ZMAT4: variants seen among roughly 807,000 people sequenced by gnomAD.
ZMAT4 encodes zinc finger matrin-type 4.
A neutral mutation model predicts 28.7 loss-of-function variants in ZMAT4; 17 were observed. The observed-to-expected ratio is 0.59, with a 90% CI of 0.41 to 0.89. The LOEUF is 0.89. Ranked by LOEUF, ZMAT4 falls within the 40% of genes least tolerant of loss-of-function variation. The pLI is 0.00. For missense variants in ZMAT4, 240 were observed against 283.8 expected (o/e 0.85, Z 1.11); for synonymous variants, 117 against 109.2 (o/e 1.07, Z -0.44).
intron 5 of ZMAT4, among the ~76,000 whole-genome samples, chr8:40,651,687 G>A (rs962191776): frequency 5.9e-5 from 9 of 151,882 alleles, no homozygotes; most frequent in Admixed American, 1.3e-4. Context: ...ATACTACAAG[G>A]CTACAGTAAC....
Position 40,713,423 on chromosome 8 carries a change from G to C in ZMAT4, c.193-16022C>G, listed in dbSNP as rs570117519. On this transcript the variant is annotated intron_variant, in intron 3 of 6. Coordinates refer to ENST00000297737, the MANE Select transcript of ZMAT4 (RefSeq NM_024645.3). The stretch of plus-strand genomic sequence containing the variant: ...ATATCAAGAAATAACACGAAGCCAA[G>C]ATCAAGGTAAGGTAATGGTAGAAAA... Among the ~76,000 whole-genome samples, 4 of 150,716 alleles carry C rather than the reference G, an allele frequency of 2.7e-5. No homozygotes were observed. In the South Asian group the frequency reaches 8.4e-4, roughly 32 times the overall value.
intron 2 of ZMAT4, among the ~76,000 whole-genome samples, chr8:40,798,930 C>A (rs1814706988): frequency 6.6e-6 from 1 of 152,190 alleles, no homozygotes; most frequent in Admixed American, 6.5e-5. Context: ...GGCCAGTCCC[C>A]TCAATTGGGA....
chr8:40,619,754 T>A (rs1299618293), intron 5 of ZMAT4, among the ~76,000 whole-genome samples: 1 of 152,182 alleles, frequency 6.6e-6, no homozygotes, highest in Non-Finnish European at 1.5e-5. Context: ...GACATTTAAA[T>A]CAGAGGCTCT....
At chr8:40,820,492 ATATGTGTG>A (rs1815727175) in intron 2 of ZMAT4, among the ~76,000 whole-genome samples, 1 of 143,098 alleles carries the variant, frequency 7.0e-6, no homozygotes, top group African/African-American at 2.6e-5. Flanking sequence ...GTATGTGTGT[ATATGTGTG>A]TATGTGTGTA....
intron 1 of ZMAT4, among the ~76,000 whole-genome samples, chr8:40,886,746 T>A (rs1434562322): frequency 6.6e-6 from 1 of 152,200 alleles, no homozygotes; most frequent in East Asian, 1.9e-4. Context: ...CCCTTTTTTT[T>A]CCTTTTTATT....
intron 3 of ZMAT4, among the ~76,000 whole-genome samples, chr8:40,741,382 G>A (rs549371257): frequency 1.3e-5 from 2 of 151,784 alleles, no homozygotes; most frequent in East Asian, 3.9e-4. Flanking sequence ...AGGGGGCAGA[G>A]GTTGCAGTGA....
intron 3 of ZMAT4, among the ~76,000 whole-genome samples, chr8:40,708,285 C>T (rs1810449046): frequency 1.3e-5 from 2 of 152,132 alleles, no homozygotes; most frequent in African/African-American, 4.8e-5. Flanking sequence ...GAGCGCATGT[C>T]CCATCCCCAC....
chr8:40,882,602 C>T (rs1228091807), intron 1 of ZMAT4, among the ~76,000 whole-genome samples: 1 of 152,204 alleles, frequency 6.6e-6, no homozygotes, highest in East Asian at 1.9e-4. Context: ...TACATGCCTG[C>T]TGCCACCACC....
intron 4 of ZMAT4, among the ~76,000 whole-genome samples, chr8:40,678,493 G>C (rs1809004003): frequency 6.6e-6 from 1 of 152,186 alleles, no homozygotes; most frequent in Admixed American, 6.5e-5. Context: ...ACATAGCCGT[G>C]CACCTGTCCC....
intron 6 of ZMAT4, among the ~76,000 whole-genome samples, chr8:40,579,355 T>A (rs756676017): frequency 7.9e-5 from 12 of 152,200 alleles, no homozygotes; most frequent in Non-Finnish European, 1.2e-4. Flanking sequence ...TTAATTCAAA[T>A]GTGTATGGTG....
intron 2 of ZMAT4, among the ~76,000 whole-genome samples, chr8:40,770,504 C>G (rs1469516823): frequency 7.1e-6 from 1 of 141,638 alleles, no homozygotes; most frequent in Non-Finnish European, 1.6e-5. Flanking sequence ...CTCCCTCCTT[C>G]CCTCCCTCCC....
chr8:40,559,692 C>T (rs1395257101), intron 6 of ZMAT4, among the ~76,000 whole-genome samples: 1 of 151,928 alleles, frequency 6.6e-6, no homozygotes, highest in Non-Finnish European at 1.5e-5. Context: ...GTGGATAGGG[C>T]AGAGTTGTAG....
intron 1 of ZMAT4, among the ~76,000 whole-genome samples, chr8:40,858,755 T>A (rs2150642438): frequency 6.6e-6 from 1 of 152,254 alleles, no homozygotes; most frequent in South Asian, 2.1e-4. Flanking sequence ...TCATTAGAGA[T>A]TTCTTCTCCC....
chr8:40,871,704 C>T (rs1682690740), intron 1 of ZMAT4, among the ~76,000 whole-genome samples: 1 of 152,214 alleles, frequency 6.6e-6, no homozygotes, highest in African/African-American at 2.4e-5. Context: ...TAGCCCAGGA[C>T]AGCACTGAGG....
At chr8:40,777,943 C>G (rs934260494) in intron 2 of ZMAT4, among the ~76,000 whole-genome samples, 2 of 152,210 alleles carry the variant, frequency 1.3e-5, no homozygotes, top group African/African-American at 2.4e-5. Context: ...AAATTGAACT[C>G]GGTTATTCTG....
At chr8:40,742,394 A>T (rs1182147687) in intron 3 of ZMAT4, among the ~76,000 whole-genome samples, 5 of 149,860 alleles carry the variant, frequency 3.3e-5, no homozygotes, top group African/African-American at 9.8e-5. Flanking sequence ...TATGTGTATA[A>T]ATATATATAT....
intron 6 of ZMAT4, among the ~76,000 whole-genome samples, chr8:40,539,304 G>A (rs953696052): frequency 7.9e-5 from 12 of 152,106 alleles, no homozygotes; most frequent in Non-Finnish European, 1.8e-4. Context: ...GAATCACTTG[G>A]CACATTGGGA....
intron 3 of ZMAT4, among the ~76,000 whole-genome samples, chr8:40,702,519 G>T (rs1464359893): frequency 6.6e-6 from 1 of 152,164 alleles, no homozygotes; most frequent in Non-Finnish European, 1.5e-5. Context: ...AAGTTAAAAA[G>T]TTTTCAGAAG....
intron 3 of ZMAT4, among the ~76,000 whole-genome samples, chr8:40,744,363 C>G (rs1812133637): frequency 6.6e-6 from 1 of 152,190 alleles, no homozygotes; most frequent in Non-Finnish European, 1.5e-5. Flanking sequence ...GGTGGCAAGA[C>G]ACATCTGCAG....
Sources: allele counts gnomAD v4.1 joint callset (sites outside exome capture counted in the v4.1 genomes callset), GRCh38; gene constraint gnomAD v4.1.1; transcripts MANE v1.5; gene names NCBI Gene and HGNC (gene_info 2026-07-23, HGNC 2026-07-21).